The following NBAS variants were observed in gnomAD, a reference collection of about 807,000 sequenced individuals.
NBAS encodes NAG/BC035112 fusion.
In NBAS, 219 loss-of-function variants were observed where a neutral mutation model predicts 302.5. The ratio of observed to expected loss-of-function variants is 0.72; its 90% CI spans 0.65 to 0.81. The LOEUF is 0.81. Among genes scored for constraint, NBAS ranks in the 30% least tolerant of loss-of-function variants. The pLI is 0.00. For synonymous variants in NBAS, 1,118 were observed against 1,021.6 expected (o/e 1.09, Z -1.80); for missense variants, 2,932 against 2,841.6 (o/e 1.03, Z -0.72).
intron 21 of NBAS, among the ~76,000 whole-genome samples, chr2:15,450,482 T>C (rs1022484161): frequency 2.0e-5 from 3 of 152,168 alleles, no homozygotes; most frequent in African/African-American, 7.2e-5. Context: ...CTCCCATCTC[T>C]AAGCCTATCT....
chr2:15,474,404 T>C (rs1680098780), intron 14 of NBAS, 80 bp from the exon 15 acceptor site: 2 of 1,365,754 alleles, frequency 1.5e-6, no homozygotes, highest in African/African-American at 2.9e-5. Flanking sequence ...AAAATATATT[T>C]CTAAATCTAC....
chr2:15,351,431 C>T (rs1002787152), intron 35 of NBAS, among the ~76,000 whole-genome samples: 5 of 152,084 alleles, frequency 3.3e-5, no homozygotes, highest in Non-Finnish European at 7.4e-5. Flanking sequence ...AATCCACGCA[C>T]TTTGGAAGGC....
At chr2:15,034,003 GAAGAAGAAGAA>G in the NBAS span, among the ~76,000 whole-genome samples, 2 of 44,928 alleles carry the variant, frequency 4.5e-5, no homozygotes, top group South Asian at 7.6e-4. Context: ...AGAAGAAGAA[GAAGAAGAAGAA>G]GAAGAAGAAG....
chr2:15,434,857 T>C (rs370127861), intron 21 of NBAS, among the ~76,000 whole-genome samples: 2 of 152,154 alleles, frequency 1.3e-5, no homozygotes, highest in African/African-American at 2.4e-5. Context: ...GACCCAAAAG[T>C]ACATATCTAC....
intron 31 of NBAS, 133 bp downstream of exon 31, chr2:15,374,475 G>A: frequency 1.4e-6 from 1 of 721,228 alleles, no homozygotes; most frequent in Non-Finnish European, 2.4e-6. Context: ...TAAAATAATG[G>A]GTCAAGGGCA....
the NBAS span, among the ~76,000 whole-genome samples, chr2:14,977,971 G>C: frequency 3.9e-5 from 6 of 151,944 alleles, no homozygotes; most frequent in Non-Finnish European, 5.9e-5. Flanking sequence ...TCTTCTTGCC[G>C]CTGAGGACAG....
the NBAS span, among the ~76,000 whole-genome samples, chr2:15,159,404 C>G: frequency 2.0e-5 from 3 of 152,076 alleles, no homozygotes; most frequent in Non-Finnish European, 4.4e-5. Flanking sequence ...AACTGCAAGC[C>G]TAGTATATAC....
At chr2:14,810,281 A>G in the NBAS span, among the ~76,000 whole-genome samples, 1 of 152,156 alleles carries the variant, frequency 6.6e-6, no homozygotes, top group Admixed American at 6.5e-5. Context: ...TCCCCACCCA[A>G]ATCTCATCTT....
chr2:15,125,441 G>A, the NBAS span, among the ~76,000 whole-genome samples: 1 of 152,138 alleles, frequency 6.6e-6, no homozygotes, highest in Non-Finnish European at 1.5e-5. Flanking sequence ...ACTATCACGA[G>A]GACAGTGCCA....
chr2:14,979,954 A>G, the NBAS span, among the ~76,000 whole-genome samples: 1 of 152,322 alleles, frequency 6.6e-6, no homozygotes, highest in African/African-American at 2.4e-5. Context: ...TGTGCCTCTT[A>G]AAATCCTGCT....
chr2:14,967,427 T>G, the NBAS span, among the ~76,000 whole-genome samples: 1 of 152,110 alleles, frequency 6.6e-6, no homozygotes, highest in Non-Finnish European at 1.5e-5. Context: ...AAGCCTCCAC[T>G]GGCATAAAGA....
rs200826405 is a variant in NBAS, at chr2:15,321,746, C to T, written c.4582+6004G>A. Among the ~76,000 whole-genome samples the T allele has an allele frequency of 1.6e-4, 24 of 152,136 alleles. No homozygotes were observed. In the East Asian group the frequency reaches 2.3e-3, roughly 15 times the overall value. The stretch of plus-strand genomic sequence containing the variant: ...TCGTTAAAAAGTCAGGAAACAGATG[C>T]TAGAGAGGATGTGGAGAAACAGGAA... On this transcript the variant is annotated intron_variant, in intron 38 of 51. Coordinates refer to ENST00000281513, the MANE Select transcript of NBAS (RefSeq NM_015909.4).
At chr2:14,987,472 AAT>A in the NBAS span, among the ~76,000 whole-genome samples, 38 of 148,972 alleles carry the variant, frequency 2.6e-4, no homozygotes, top group East Asian at 2.0e-4. Context: ...TCTTATGACA[AAT>A]ATATATATAT....
At chr2:15,474,778 C>T (rs1680117388) in intron 14 of NBAS, among the ~76,000 whole-genome samples, 1 of 152,076 alleles carries the variant, frequency 6.6e-6, no homozygotes, top group African/African-American at 2.4e-5. Context: ...CCAGGCTGGT[C>T]ACAAATTCCT....
At chr2:15,131,218 C>T in the NBAS span, among the ~76,000 whole-genome samples, 1 of 152,152 alleles carries the variant, frequency 6.6e-6, no homozygotes, top group African/African-American at 2.4e-5. Context: ...AAATGAGTGG[C>T]TTTCAAAGAC....
At chr2:15,028,999 T>C in the NBAS span, among the ~76,000 whole-genome samples, 1 of 152,172 alleles carries the variant, frequency 6.6e-6, no homozygotes, top group Admixed American at 6.5e-5. Flanking sequence ...CCTGGACCAT[T>C]GAGTGAATGA....
At chr2:15,456,547 A>G (rs556626790) in intron 21 of NBAS, among the ~76,000 whole-genome samples, 1 of 152,320 alleles carries the variant, frequency 6.6e-6, no homozygotes, top group South Asian at 2.1e-4. Context: ...AACAAGAGGC[A>G]AAGTCCTTCT....
At chr2:14,789,827 T>C in the NBAS span, among the ~76,000 whole-genome samples, 4 of 152,192 alleles carry the variant, frequency 2.6e-5, no homozygotes, top group Non-Finnish European at 5.9e-5. Flanking sequence ...GTATTCATCT[T>C]TGTATCTCCA....
the NBAS span, among the ~76,000 whole-genome samples, chr2:14,888,094 A>T: frequency 6.6e-6 from 1 of 152,120 alleles, no homozygotes; most frequent in Non-Finnish European, 1.5e-5. Context: ...AGTCTGAAAC[A>T]GGAGTGACTG....
Sources: gnomAD v4.1 joint callset for allele counts (sites outside exome capture counted in the v4.1 genomes callset) on GRCh38, gnomAD v4.1.1 for gene constraint, MANE v1.5 for transcripts, NCBI Gene and HGNC (gene_info 2026-07-23, HGNC 2026-07-21) for gene names.